Variants in CNTNAP5 observed in about 807,000 individuals in gnomAD.
The protein encoded by CNTNAP5 is contactin associated protein family member 5.
A neutral mutation model predicts 150.2 loss-of-function variants in CNTNAP5; 72 were observed. The observed-to-expected ratio is 0.48, with a 90% CI of 0.40 to 0.58. CNTNAP5 has a LOEUF of 0.58. Among genes scored for constraint, CNTNAP5 ranks in the 20% least tolerant of loss-of-function variants. The pLI is 0.00. For missense variants in CNTNAP5, 1,636 were observed against 1,626.2 expected (o/e 1.01, Z -0.10); for synonymous variants, 672 against 619.8 (o/e 1.08, Z -1.25).
intron 3 of CNTNAP5, among the ~76,000 whole-genome samples, chr2:124,403,764 G>A (rs1691494327): frequency 1.3e-5 from 2 of 152,206 alleles, no homozygotes; most frequent in Middle Eastern, 6.8e-3. Context: ...CCCGAGACTG[G>A]GTAATTTATA....
chr2:124,769,585 G>A (rs1247984957), intron 16 of CNTNAP5, among the ~76,000 whole-genome samples: 3 of 152,288 alleles, frequency 2.0e-5, no homozygotes, highest in African/African-American at 4.8e-5. Flanking sequence ...CAGCAAGTGA[G>A]AGCCAGCTTG....
intron 5 of CNTNAP5, among the ~76,000 whole-genome samples, chr2:124,444,999 GA>G (rs1194447055): frequency 6.6e-6 from 1 of 151,882 alleles, no homozygotes; most frequent in African/African-American, 2.4e-5. Flanking sequence ...GACCTTCAGA[GA>G]GGACAGTATA....
chr2:124,597,672 T>C (rs892013474), intron 11 of CNTNAP5, among the ~76,000 whole-genome samples: 5 of 150,732 alleles, frequency 3.3e-5, no homozygotes, highest in African/African-American at 4.9e-5. Flanking sequence ...CTGTATTTCC[T>C]GAATCTGAAC....
intron 1 of CNTNAP5, among the ~76,000 whole-genome samples, chr2:124,135,757 C>T (rs548952102): frequency 2.0e-5 from 3 of 152,260 alleles, no homozygotes; most frequent in East Asian, 1.9e-4. Flanking sequence ...ATCCAGGCTT[C>T]GTTTGTTCAT....
At chr2:124,139,786 C>T (rs1352457777) in intron 1 of CNTNAP5, among the ~76,000 whole-genome samples, 1 of 152,100 alleles carries the variant, frequency 6.6e-6, no homozygotes, top group Non-Finnish European at 1.5e-5. Flanking sequence ...GAGGAAGGAG[C>T]CAAGATGGCC....
intron 13 of CNTNAP5, among the ~76,000 whole-genome samples, chr2:124,662,174 C>A (rs569155667): frequency 9.2e-5 from 14 of 152,248 alleles, no homozygotes; most frequent in South Asian, 2.1e-4. Flanking sequence ...TTTTTTATGG[C>A]TGCATAGAAT....
chr2:124,593,912 T>C (rs1573482466), intron 11 of CNTNAP5, among the ~76,000 whole-genome samples: 1 of 85,816 alleles, frequency 1.2e-5, no homozygotes, highest in African/African-American at 4.2e-5. Flanking sequence ...TTTCATGTGT[T>C]TTTTGGCTGC....
intron 7 of CNTNAP5, among the ~76,000 whole-genome samples, chr2:124,503,656 T>C (rs1694330396): frequency 6.6e-6 from 1 of 152,212 alleles, no homozygotes; most frequent in Non-Finnish European, 1.5e-5. Flanking sequence ...CAGAGGGCTT[T>C]CAAGCTCTGC....
At chr2:124,739,917 G>A (rs918468780) in intron 13 of CNTNAP5, among the ~76,000 whole-genome samples, 2 of 121,218 alleles carry the variant, frequency 1.6e-5, no homozygotes, top group Non-Finnish European at 4.0e-5. Context: ...AGCTGTGTGC[G>A]GGACCTCCTT....
At chr2:124,137,441 T>G (rs781144515) in intron 1 of CNTNAP5, among the ~76,000 whole-genome samples, 5 of 152,152 alleles carry the variant, frequency 3.3e-5, no homozygotes, top group Non-Finnish European at 7.4e-5. Flanking sequence ...TTCAGTGAAG[T>G]CTTTTGACTT....
At chr2:124,418,543 C>T (rs980507198) in intron 4 of CNTNAP5, among the ~76,000 whole-genome samples, 1 of 152,130 alleles carries the variant, frequency 6.6e-6, no homozygotes, top group African/African-American at 2.4e-5. Flanking sequence ...TTTACAAATT[C>T]TCCAAGTAAA....
At chr2:124,188,313 T>G (rs1038044075) in intron 1 of CNTNAP5, among the ~76,000 whole-genome samples, 2 of 152,242 alleles carry the variant, frequency 1.3e-5, no homozygotes, top group African/African-American at 4.8e-5. Context: ...CAAATATATT[T>G]GTTTACGATG....
intron 1 of CNTNAP5, among the ~76,000 whole-genome samples, chr2:124,091,651 A>G (rs1036007670): frequency 6.6e-6 from 1 of 152,234 alleles, no homozygotes; most frequent in Non-Finnish European, 1.5e-5. Flanking sequence ...AAGAAAGCAC[A>G]GGTGACTGGA....
At chr2:124,667,592 A>G (rs2105052974) in intron 13 of CNTNAP5, among the ~76,000 whole-genome samples, 1 of 152,320 alleles carries the variant, frequency 6.6e-6, no homozygotes, top group South Asian at 2.1e-4. Flanking sequence ...ATCCTCCACC[A>G]TGCCTGAATA....
intron 11 of CNTNAP5, among the ~76,000 whole-genome samples, chr2:124,602,613 C>G (rs914434837): frequency 6.6e-6 from 1 of 152,032 alleles, no homozygotes; most frequent in Non-Finnish European, 1.5e-5. Flanking sequence ...TCTGCTTCAG[C>G]CTCCTGGGTA....
chr2:124,301,622 C>T (rs1473249771), intron 3 of CNTNAP5, among the ~76,000 whole-genome samples: 2 of 152,186 alleles, frequency 1.3e-5, no homozygotes, highest in Admixed American at 6.5e-5. Context: ...TCACTGTGTA[C>T]TTCCTAAAAC....
At chr2:124,775,358 A>T (rs929427509) in intron 17 of CNTNAP5, among the ~76,000 whole-genome samples, 2 of 152,224 alleles carry the variant, frequency 1.3e-5, no homozygotes, top group Non-Finnish European at 2.9e-5. Flanking sequence ...CTGGATATTT[A>T]TATTTGCTAG....
At chr2:124,553,729 T>C (rs2104920107) in intron 10 of CNTNAP5, among the ~76,000 whole-genome samples, 1 of 152,208 alleles carries the variant, frequency 6.6e-6, no homozygotes, top group East Asian at 1.9e-4. Flanking sequence ...ATAGATTAAA[T>C]CTAAAACCTG....
At chr2:124,520,960 G>A (rs1694835400) in intron 8 of CNTNAP5, among the ~76,000 whole-genome samples, 1 of 152,194 alleles carries the variant, frequency 6.6e-6, no homozygotes, top group Admixed American at 6.5e-5. Flanking sequence ...TTTTGGATCT[G>A]TTAACAGAAT....
Sources: allele counts gnomAD v4.1 joint callset (sites outside exome capture counted in the v4.1 genomes callset), GRCh38; gene constraint gnomAD v4.1.1; transcripts MANE v1.5; gene names NCBI Gene and HGNC (gene_info 2026-07-23, HGNC 2026-07-21).